Variants in CCDC138 observed in about 807,000 individuals in gnomAD.
CCDC138 encodes the protein coiled-coil domain containing 138, also known as coiled-coil domain-containing protein 138.
Under a neutral mutation model 82.3 loss-of-function variants are expected in CCDC138, and 66 were observed. The ratio of observed to expected loss-of-function variants is 0.80; its 90% CI spans 0.66 to 0.98. CCDC138 has a LOEUF of 0.98. Ranked by LOEUF, CCDC138 falls within the 50% of genes least tolerant of loss-of-function variation. The pLI is 0.00. For synonymous variants in CCDC138, 297 were observed against 265.4 expected, an observed-to-expected ratio of 1.12 and a Z score of -1.16; for missense variants, 816 against 758.9, an observed-to-expected ratio of 1.08 and a Z score of -0.88.
At chr2:108,833,989 G>A (rs1277850610) in intron 10 of CCDC138, among the ~76,000 whole-genome samples, 1 of 138,872 alleles carries the variant, frequency 7.2e-6, no homozygotes, top group African/African-American at 2.7e-5. Flanking sequence ...CTCATGATCC[G>A]CCTGCCTCGG....
At chr2:108,821,309 TATC>T (rs2150048668) in intron 10 of CCDC138, among the ~76,000 whole-genome samples, 1 of 152,160 alleles carries the variant, frequency 6.6e-6, no homozygotes, top group East Asian at 1.9e-4. Context: ...AGTGAGCTGA[TATC>T]ATGCCATTGC....
At chr2:108,807,160 G>A (rs1002240612) in intron 7 of CCDC138, among the ~76,000 whole-genome samples, 1 of 152,110 alleles carries the variant, frequency 6.6e-6, no homozygotes, top group African/African-American at 2.4e-5. Flanking sequence ...GCATACTTGC[G>A]AGTGATCCAG....
intron 13 of CCDC138, among the ~76,000 whole-genome samples, chr2:108,870,464 T>G (rs1695059344): frequency 6.6e-6 from 1 of 152,058 alleles, no homozygotes; most frequent in African/African-American, 2.4e-5. Flanking sequence ...AGCTGAAAAC[T>G]TATCAAATTT....
intron 5 of CCDC138, among the ~76,000 whole-genome samples, chr2:108,795,534 G>C (rs891139736): frequency 2.0e-5 from 3 of 152,176 alleles, no homozygotes; most frequent in Admixed American, 6.5e-5. Context: ...CGCAGTATCT[G>C]TTTGAAATTC....
At chr2:108,871,638 T>A (rs2105198674) in intron 13 of CCDC138, among the ~76,000 whole-genome samples, 1 of 152,246 alleles carries the variant, frequency 6.6e-6, no homozygotes, top group Admixed American at 6.5e-5. Context: ...TGGTAAAATA[T>A]TCATAACATA....
chr2:108,820,472 C>T (rs1208842706), intron 10 of CCDC138, among the ~76,000 whole-genome samples: 2 of 151,948 alleles, frequency 1.3e-5, no homozygotes, highest in Admixed American at 1.3e-4. Context: ...AAGAAATAGG[C>T]ATACAAGTTC....
chr2:108,846,192 C>G (rs1449560282), intron 11 of CCDC138, among the ~76,000 whole-genome samples: 2 of 152,146 alleles, frequency 1.3e-5, no homozygotes, highest in African/African-American at 2.4e-5. Flanking sequence ...TAGTCCACCT[C>G]TGTTCCCTTG....
At chr2:108,839,402 C>A in intron 11 of CCDC138, 101 bp downstream of exon 11, 2 of 977,570 alleles carry the variant, frequency 2.0e-6, no homozygotes, top group South Asian at 2.1e-5. Context: ...CTCTGTATTT[C>A]AGAATAATCT....
chr2:108,843,016 A>G (rs1689777499), intron 11 of CCDC138, among the ~76,000 whole-genome samples: 1 of 152,202 alleles, frequency 6.6e-6, no homozygotes, highest in South Asian at 2.1e-4. Context: ...ATAGAACTCA[A>G]GAAGAGAAGG....
intron 13 of CCDC138, among the ~76,000 whole-genome samples, chr2:108,862,211 C>T (rs1458234856): frequency 1.3e-5 from 2 of 150,176 alleles, no homozygotes; most frequent in Admixed American, 1.3e-4. Flanking sequence ...AAAAACAAAA[C>T]AGGAAAAAGT....
At chr2:108,827,594 ATC>A (rs201441133) in intron 10 of CCDC138, among the ~76,000 whole-genome samples, 9,041 of 152,142 alleles carry the variant, frequency 0.059, 315 homozygotes, top group South Asian at 0.15. Context: ...AGGTGGGCGG[ATC>A]ACGAGGTCAG....
Position 108,794,607 on chromosome 2 carries a change from T to G in CCDC138, c.462T>G (p.Ser154=). Residue 154 remains serine (S), a synonymous_variant, in exon 5 of 15, where the codon TCT becomes TCG. Transcript: ENST00000295124. ...AGTGTTGTAGTGATGCAGGTGACTC[T>G]CCTTTGAAACCTGTCAGCTGTCCAA... ...RTECCSDAGD[S]PLKPVSCPKS... The G allele has an allele frequency of 6.2e-7, 1 of 1,614,102 alleles. No individual in the cohort carries two copies.
chr2:108,840,494 A>C (rs1196359971), intron 11 of CCDC138, among the ~76,000 whole-genome samples: 1 of 152,184 alleles, frequency 6.6e-6, no homozygotes, highest in Non-Finnish European at 1.5e-5. Flanking sequence ...TTATGAATTT[A>C]AGTTCTTTAA....
chr2:108,804,763 T>TG, intron 6 of CCDC138, 126 bp from the exon 7 acceptor site: 1 of 796,502 alleles, frequency 1.3e-6, no homozygotes, highest in Non-Finnish European at 1.8e-6. Flanking sequence ...CACTTGTGCT[T>TG]GCATACACTG....
At chr2:108,842,498 A>G (rs1461930449) in intron 11 of CCDC138, among the ~76,000 whole-genome samples, 1 of 152,114 alleles carries the variant, frequency 6.6e-6, no homozygotes, top group Non-Finnish European at 1.5e-5. Context: ...TGTTACCCAT[A>G]CAGGTTTTTC....
downstream of CCDC138, chr2:108,878,323 T>G (rs999928601): frequency 1.1e-5 from 2 of 189,696 alleles, no homozygotes; most frequent in African/African-American, 4.7e-5. Context: ...TTCTCACAAG[T>G]CTTTCAGGGT....
At chr2:108,872,598 G>T (rs1164144690) in intron 13 of CCDC138, among the ~76,000 whole-genome samples, 1 of 152,096 alleles carries the variant, frequency 6.6e-6, no homozygotes, top group Non-Finnish European at 1.5e-5. Flanking sequence ...GGGAAATCCA[G>T]TATCAAGATG....
chr2:108,788,197 T>C lies in CCDC138; in HGVS notation c.151+108T>C, dbSNP rs906425048. On this transcript the variant is annotated intron_variant, in intron 2 of 14. Coordinates refer to ENST00000295124, the MANE Select transcript of CCDC138 (RefSeq NM_144978.3). ...ACTTTGGGAGGCCGAGGCAGGCGAA[T>C]CACCTGAGGTCAGGAGTTCGAGACC... 5 of 1,073,450 alleles carry C rather than the reference T, an allele frequency of 4.7e-6. No homozygotes were observed. In the African/African-American group the frequency reaches 8.3e-5, roughly 18 times the overall value. 66.5% of individuals were successfully genotyped at this position (1,073,450 alleles called of 1,614,324 possible). A position where few individuals can be genotyped will look rare whatever the true frequency, so the allele number is the denominator to read the frequency against.
intron 13 of CCDC138, among the ~76,000 whole-genome samples, chr2:108,861,894 C>G (rs568695500): frequency 2.0e-5 from 3 of 152,078 alleles, no homozygotes; most frequent in Non-Finnish European, 2.9e-5. Context: ...TATGTTATAT[C>G]TTGATTTTCA....
Sources: allele counts gnomAD v4.1 joint callset (sites outside exome capture counted in the v4.1 genomes callset), GRCh38; gene constraint gnomAD v4.1.1; transcripts MANE v1.5; gene names NCBI Gene and HGNC (gene_info 2026-07-23, HGNC 2026-07-21).